ARHGAP44: variants seen among roughly 807,000 people sequenced by gnomAD.
The protein encoded by ARHGAP44 is rho GTPase-activating protein 44.
A neutral mutation model predicts 106.8 loss-of-function variants in ARHGAP44; 43 were observed. The ratio of observed to expected loss-of-function variants is 0.40; its 90% CI spans 0.32 to 0.52. The LOEUF is 0.52. ARHGAP44 is among the 20% of genes least tolerant of loss of function. ARHGAP44 has a pLI of 0.48. For missense variants in ARHGAP44, 866 were observed against 1,050.5 expected (o/e 0.82, Z 2.43); for synonymous variants, 439 against 410.3 (o/e 1.07, Z -0.85).
intron 1 of ARHGAP44, among the ~76,000 whole-genome samples, chr17:12,864,237 C>T (rs1272541938): frequency 3.3e-5 from 5 of 152,120 alleles, no homozygotes; most frequent in Non-Finnish European, 5.9e-5. Flanking sequence ...TCTAAAATGG[C>T]CAGAGATGCG....
At chr17:12,896,218 C>T (rs1341665531) in intron 2 of ARHGAP44, among the ~76,000 whole-genome samples, 189 bp from the exon 3 acceptor site, 1 of 151,988 alleles carries the variant, frequency 6.6e-6, no homozygotes, top group Non-Finnish European at 1.5e-5. Context: ...TGTAACAAAC[C>T]TACACATTGT....
intron 20 of ARHGAP44, 135 bp downstream of exon 20, chr17:12,985,043 G>A: frequency 8.6e-7 from 1 of 1,160,858 alleles, no homozygotes; most frequent in Admixed American, 2.8e-5. Flanking sequence ...ACCAGGGGTA[G>A]CTCATAAGAT....
In ARHGAP44 at chr17:12,990,176, A is replaced by G. The variant is rs1243005984; in HGVS notation, c.*5A>G. ...TCTGAGAGCACCGCCCTCTGACATGACACCGCCCATCCTGCCTCGCGTGTA... is the reference window on the plus strand; with the variant it reads ...TCTGAGAGCACCGCCCTCTGACATGGCACCGCCCATCCTGCCTCGCGTGTA... On this transcript the variant is annotated 3_prime_UTR_variant, in exon 21 of 21. Transcript: ENST00000379672. 2 of 1,610,312 alleles carry G rather than the reference A, an allele frequency of 1.2e-6. No individual in the cohort carries two copies. Among genetic ancestry groups the G allele is most frequent in the Non-Finnish European group, 8.5e-7 (1 of 1,177,104 alleles).
intron 1 of ARHGAP44, among the ~76,000 whole-genome samples, chr17:12,807,389 A>G (rs1397532898): frequency 6.6e-6 from 1 of 152,220 alleles, no homozygotes; most frequent in Non-Finnish European, 1.5e-5. Flanking sequence ...CTGTTCTCAC[A>G]CTGTTACTAA....
chr17:12,840,740 C>T (rs941219829), intron 1 of ARHGAP44, among the ~76,000 whole-genome samples: 4 of 152,128 alleles, frequency 2.6e-5, no homozygotes, highest in African/African-American at 4.8e-5. Flanking sequence ...ATGTAAAGAG[C>T]GGAGATTCAT....
intron 1 of ARHGAP44, among the ~76,000 whole-genome samples, chr17:12,850,736 C>T (rs1404947841): frequency 2.0e-5 from 3 of 152,206 alleles, no homozygotes; most frequent in East Asian, 1.9e-4. Flanking sequence ...TGCCAAGACT[C>T]GTGCCCCAAA....
At chr17:12,970,365 CAA>C (rs66577680) in intron 16 of ARHGAP44, among the ~76,000 whole-genome samples, 67 of 55,180 alleles carry the variant, frequency 1.2e-3, no homozygotes, top group Middle Eastern at 0.01. Flanking sequence ...GACCCTGTCT[CAA>C]AAAAAAAAAA....
At chr17:12,916,100 C>A in intron 5 of ARHGAP44, 89 bp downstream of exon 5, 3 of 1,066,434 alleles carry the variant, frequency 2.8e-6, no homozygotes, top group Admixed American at 4.4e-5. Context: ...CATTCTACTT[C>A]TTTCCCTTAA....
intron 13 of ARHGAP44, among the ~76,000 whole-genome samples, chr17:12,953,268 C>T (rs1053575313): frequency 3.9e-5 from 6 of 152,272 alleles, no homozygotes; most frequent in South Asian, 2.1e-4. Context: ...ACTTCCGGCG[C>T]GCTGCAGATC....
chr17:12,989,492 A>T (rs2072263), intron 20 of ARHGAP44, among the ~76,000 whole-genome samples: 3 of 152,066 alleles, frequency 2.0e-5, no homozygotes, highest in African/African-American at 7.3e-5. Flanking sequence ...AGTCAGGGAC[A>T]GTTGGCACCA....
intron 1 of ARHGAP44, among the ~76,000 whole-genome samples, chr17:12,881,839 A>G (rs2036747158): frequency 6.6e-6 from 1 of 152,000 alleles, no homozygotes; most frequent in Non-Finnish European, 1.5e-5. Flanking sequence ...GACTACAGGC[A>G]TGCATCTTCG....
At chr17:12,980,962 G>T (rs968256477) in intron 19 of ARHGAP44, 2 of 152,266 alleles carry the variant, frequency 1.3e-5, no homozygotes, top group Admixed American at 6.5e-5. Context: ...AATAGGGCCC[G>T]GATTTAGCTC....
At chr17:12,983,697 A>G (rs1330258603) in intron 19 of ARHGAP44, among the ~76,000 whole-genome samples, 2 of 151,260 alleles carry the variant, frequency 1.3e-5, no homozygotes, top group African/African-American at 4.9e-5. Context: ...CCAGCTACTC[A>G]GGAGGCTGAG....
rs889284332 is a variant in ARHGAP44 at position 12,789,726 on chromosome 17, G to C, written c.-113G>C. ...CCAGACGGCGCCCGGAGGCTCCGCA[G>C]TGCCGCCGCCGTCGCCCGGGAGGCT... On this transcript the variant is annotated 5_prime_UTR_variant, in exon 1 of 21. Transcript: ENST00000379672. The C allele has an allele frequency of 1.9e-6, 2 of 1,042,284 alleles. No individual in the cohort carries two copies. Among genetic ancestry groups the C allele is most frequent in the Non-Finnish European group, 2.5e-6 (2 of 786,622 alleles). The allele number at this position is 1,042,284 out of a possible 1,614,324, so 64.6% of individuals were successfully genotyped here.
At chr17:12,931,642 G>A (rs372933637) in intron 7 of ARHGAP44, among the ~76,000 whole-genome samples, 3 of 151,582 alleles carry the variant, frequency 2.0e-5, no homozygotes, top group Admixed American at 6.6e-5. Context: ...GACTACAGGC[G>A]CCCGCCACCA....
chr17:12,952,181 T>C (rs2039006808), intron 12 of ARHGAP44, among the ~76,000 whole-genome samples: 2 of 152,138 alleles, frequency 1.3e-5, no homozygotes, highest in African/African-American at 4.8e-5. Context: ...GAATAGCCCA[T>C]GGGCTGAGCT....
At position 12,867,494 on chromosome 17, in the gene ARHGAP44, G is replaced by T. The variant is rs146603742; in HGVS notation, c.54-27446G>T. 5.2e-3 allele frequency among the ~76,000 whole-genome samples: 796 copies of T among 152,222 alleles called. 9 individuals carry two copies. The highest frequency in any genetic ancestry group is 8.4e-3 in the Non-Finnish European group (568 of 67,996). On this transcript the variant is annotated intron_variant, in intron 1 of 20. Transcript: ENST00000379672. ...GGGGCAGGCTTCCCAGGGGAAATTT[G>T]CAAGTCACAATTGTGCACCAGGATA...
intron 1 of ARHGAP44, among the ~76,000 whole-genome samples, chr17:12,857,961 T>A (rs1429293852): frequency 6.6e-6 from 1 of 152,090 alleles, no homozygotes; most frequent in African/African-American, 2.4e-5. Flanking sequence ...TATTAGTGGC[T>A]TGAGGATTGG....
rs532594056 is a variant in ARHGAP44, at chr17:12,869,792, ACT to A, written c.54-25147_54-25146del. On this transcript the variant is annotated intron_variant, in intron 1 of 20. Transcript: ENST00000379672. ...TTTTCTCTGCATATACATATATGTA[ACT>A]TTTTTTTTTTACTATGCATACTGTT... is the stretch of plus-strand genomic sequence containing the variant. 1.8e-3 allele frequency among the ~76,000 whole-genome samples: 230 copies of A among 131,352 alleles called. 1 individual carries two copies. Among genetic ancestry groups the A allele is most frequent in the African/African-American group, 8.0e-3 (216 of 26,934 alleles). The allele number at this position is 131,352 out of a possible 152,430, so 86.2% of individuals were successfully genotyped here. A position where few individuals can be genotyped will look rare whatever the true frequency, so the allele number is the denominator to read the frequency against.
Sources: gnomAD v4.1 joint callset for allele counts (sites outside exome capture counted in the v4.1 genomes callset) on GRCh38, gnomAD v4.1.1 for gene constraint, MANE v1.5 for transcripts, NCBI Gene and HGNC (gene_info 2026-07-23, HGNC 2026-07-21) for gene names.